Variants in CARMIL1 observed in about 807,000 individuals in gnomAD.
CARMIL1 encodes F-actin-uncapping protein LRRC16A.
Under a neutral mutation model 177.1 loss-of-function variants are expected in CARMIL1, and 90 were observed. That is an observed-to-expected ratio of 0.51 (90% CI 0.43 to 0.61). The LOEUF is 0.61. CARMIL1 is among the 20% of genes least tolerant of loss of function. The pLI, the probability that CARMIL1 is intolerant of heterozygous loss-of-function variation, is 0.00. For missense variants in CARMIL1, 1,380 were observed against 1,667.0 expected (o/e 0.83, Z 3.00); for synonymous variants, 577 against 606.2 (o/e 0.95, Z 0.71).
At chr6:25,487,777 G>T (rs1802810099) in intron 12 of CARMIL1, among the ~76,000 whole-genome samples, 1 of 152,118 alleles carries the variant, frequency 6.6e-6, no homozygotes, top group African/African-American at 2.4e-5. Context: ...ACCTATAAGA[G>T]AACTTAGTTC....
intron 24 of CARMIL1, among the ~76,000 whole-genome samples, chr6:25,535,752 CTT>C (rs754487864): frequency 6.6e-6 from 1 of 152,124 alleles, no homozygotes; most frequent in Non-Finnish European, 1.5e-5. Flanking sequence ...CCTTGATTTA[CTT>C]TTTTCAAAAT....
chr6:25,408,010 G>C (rs1581836543), intron 2 of CARMIL1, among the ~76,000 whole-genome samples: 1 of 152,276 alleles, frequency 6.6e-6, no homozygotes, highest in East Asian at 1.9e-4. Flanking sequence ...ATCACACTGT[G>C]AGGGCCAGGT....
chr6:25,354,867 A>G (rs1460492993), intron 2 of CARMIL1, among the ~76,000 whole-genome samples: 1 of 152,148 alleles, frequency 6.6e-6, no homozygotes, highest in Non-Finnish European at 1.5e-5. Flanking sequence ...TCTTACAGTG[A>G]GTGAAATTTG....
rs370669890 is a variant in CARMIL1, at chr6:25,288,478, G to GTTT, written c.138+3585_138+3587dup. Among the ~76,000 whole-genome samples, 331 of 133,478 alleles carry GTTT rather than the reference G, an allele frequency of 2.5e-3. 4 individuals are homozygous for GTTT. Among genetic ancestry groups the GTTT allele is most frequent in the African/African-American group, 8.5e-3 (306 of 36,010 alleles). The allele number at this position is 133,478 out of a possible 152,430, so 87.6% of individuals were successfully genotyped here. On this transcript the variant is annotated intron_variant, in intron 2 of 36. Coordinates refer to ENST00000329474, the MANE Select transcript of CARMIL1 (RefSeq NM_017640.6). ...ACTTTGTGACAATGTTAAGAATCAG[G>GTTT]TTTTTTTTTTTTTTTTTTCCGTATG...
At chr6:25,463,969 C>T (rs1478475136) in intron 8 of CARMIL1, among the ~76,000 whole-genome samples, 3 of 151,248 alleles carry the variant, frequency 2.0e-5, no homozygotes, top group African/African-American at 7.3e-5. Flanking sequence ...ACTACAGGCG[C>T]CCGCCACTAC....
chr6:25,619,335 T>G, intron 36 of CARMIL1, 112 bp from the exon 37 acceptor site: 1 of 1,041,346 alleles, frequency 9.6e-7, no homozygotes, highest in Non-Finnish European at 1.4e-6. Context: ...AAGTTCACCC[T>G]GGCCCCCTCC....
intron 2 of CARMIL1, among the ~76,000 whole-genome samples, chr6:25,323,420 C>CAAAAAAAAA (rs11288797): frequency 1.5e-4 from 12 of 82,378 alleles, no homozygotes; most frequent in South Asian, 3.9e-4. Flanking sequence ...CCTGTCTCTA[C>CAAAAAAAAA]AAAAAAAAAA....
intron 2 of CARMIL1, among the ~76,000 whole-genome samples, chr6:25,292,580 C>G (rs952708848): frequency 6.6e-6 from 1 of 152,152 alleles, no homozygotes; most frequent in East Asian, 1.9e-4. Flanking sequence ...AACTTGTTAC[C>G]TGAGCTGCAT....
In CARMIL1 at chr6:25,427,020, C is replaced by G. The variant is rs1017594671; in HGVS notation, c.249+460C>G. Among the ~76,000 whole-genome samples, 20 of 152,296 alleles carry G rather than the reference C, an allele frequency of 1.3e-4. No homozygotes were observed. The East Asian group carries it at 3.9e-3, about 29-fold the overall frequency. On this transcript the variant is annotated intron_variant, in intron 4 of 36. Transcript: ENST00000329474. ...GATAAGTGTTGACATATGTATGACT[C>G]TGTCTTCGCCCTCTTCCCCACCTGC...
chr6:25,331,227 T>G (rs7752550), intron 2 of CARMIL1, among the ~76,000 whole-genome samples: 20,403 of 152,194 alleles, frequency 0.13, 1,425 homozygotes, highest in Middle Eastern at 0.2. Flanking sequence ...ATATAGGAGC[T>G]GCACAACTCA....
chr6:25,451,764 G>T (rs1167740998), intron 8 of CARMIL1, among the ~76,000 whole-genome samples: 4 of 152,084 alleles, frequency 2.6e-5, no homozygotes, highest in African/African-American at 7.2e-5. Context: ...GGGGTAGCAG[G>T]GGTCAGCCCT....
chr6:25,414,211 C>T (rs1795174598), intron 2 of CARMIL1, among the ~76,000 whole-genome samples: 1 of 152,134 alleles, frequency 6.6e-6, no homozygotes, highest in Non-Finnish European at 1.5e-5. Context: ...CTAGAGATAA[C>T]AAAAGTCTAT....
chr6:25,368,299 G>A (rs1000391966), intron 2 of CARMIL1, among the ~76,000 whole-genome samples: 2 of 152,136 alleles, frequency 1.3e-5, no homozygotes, highest in African/African-American at 4.8e-5. Flanking sequence ...TTTTCCCAAG[G>A]GAAATAAGCT....
chr6:25,564,870 A>T (rs938937477), intron 29 of CARMIL1, among the ~76,000 whole-genome samples: 17 of 152,066 alleles, frequency 1.1e-4, no homozygotes, highest in African/African-American at 3.9e-4. Flanking sequence ...ATATGGTGGG[A>T]AAGTGCTCTG....
At chr6:25,348,171 A>G (rs9986335) in intron 2 of CARMIL1, among the ~76,000 whole-genome samples, 17,467 of 151,876 alleles carry the variant, frequency 0.12, 1,138 homozygotes, top group African/African-American at 0.18. Context: ...ATGGAGTCTC[A>G]CTCTAGGGTG....
intron 4 of CARMIL1, among the ~76,000 whole-genome samples, chr6:25,434,462 A>G (rs1469298726): frequency 6.7e-6 from 1 of 150,348 alleles, no homozygotes; most frequent in African/African-American, 2.5e-5. Context: ...CAAACATTTT[A>G]TTAACGTGTT....
intron 4 of CARMIL1, among the ~76,000 whole-genome samples, chr6:25,429,022 C>G (rs1796504077): frequency 1.3e-5 from 2 of 152,156 alleles, no homozygotes; most frequent in South Asian, 4.2e-4. Context: ...ATTTCTTTGT[C>G]TAGTCTTATT....
intron 5 of CARMIL1, among the ~76,000 whole-genome samples, chr6:25,448,167 A>C (rs1798423446): frequency 6.6e-6 from 1 of 152,172 alleles, no homozygotes; most frequent in African/African-American, 2.4e-5. Context: ...AATTGAGAGC[A>C]AATACCTACA....
intron 26 of CARMIL1, among the ~76,000 whole-genome samples, chr6:25,540,988 G>A (rs1345513607): frequency 6.6e-6 from 1 of 151,980 alleles, no homozygotes. Context: ...ATTTAATCAC[G>A]GTTGTTTTGA....
Sources: gnomAD v4.1 joint callset for allele counts (sites outside exome capture counted in the v4.1 genomes callset) on GRCh38, gnomAD v4.1.1 for gene constraint, MANE v1.5 for transcripts, NCBI Gene and HGNC (gene_info 2026-07-23, HGNC 2026-07-21) for gene names.